The following HPSE2 variants were observed in gnomAD, a reference collection of about 807,000 sequenced individuals.
HPSE2 encodes the protein heparanase 2 (inactive).
In HPSE2, 38 loss-of-function variants were observed where a neutral mutation model predicts 60.5. The ratio of observed to expected loss-of-function variants is 0.63; its 90% CI spans 0.48 to 0.82. The LOEUF is 0.82. Among genes scored for constraint, HPSE2 ranks in the 40% least tolerant of loss-of-function variants. The probability of loss-of-function intolerance (pLI) is 0.00; values close to 1 mark genes in which losing one functional copy is unlikely to be tolerated. For synonymous variants in HPSE2, 295 were observed against 293.2 expected, an observed-to-expected ratio of 1.01 and a Z score of -0.06; for missense variants, 713 against 740.4, an observed-to-expected ratio of 0.96 and a Z score of 0.43.
chr10:98,776,278 C>CAAAAAAA (rs35176062), intron 3 of HPSE2, among the ~76,000 whole-genome samples: 1 of 137,084 alleles, frequency 7.3e-6, no homozygotes. Flanking sequence ...ACTAAAAATA[C>CAAAAAAA]AAAAAAAAAA....
At chr10:98,926,162 G>A (rs372246037) in intron 3 of HPSE2, among the ~76,000 whole-genome samples, 1 of 152,072 alleles carries the variant, frequency 6.6e-6, no homozygotes, top group African/African-American at 2.4e-5. Flanking sequence ...CATGCTTTTT[G>A]TATGGCCATA....
intron 3 of HPSE2, among the ~76,000 whole-genome samples, chr10:99,105,585 A>G (rs1844213128): frequency 6.9e-6 from 1 of 143,934 alleles, no homozygotes; most frequent in South Asian, 2.2e-4. Context: ...TTGTCTTTTT[A>G]TTTTCTTAAT....
intron 9 of HPSE2, among the ~76,000 whole-genome samples, chr10:98,494,465 C>T (rs1246622075): frequency 6.6e-6 from 1 of 152,248 alleles, no homozygotes; most frequent in African/African-American, 2.4e-5. Context: ...CTAATGCTTG[C>T]TTGGACCAAT....
At chr10:98,664,599 G>C (rs993804375) in intron 6 of HPSE2, among the ~76,000 whole-genome samples, 7 of 152,160 alleles carry the variant, frequency 4.6e-5, no homozygotes, top group Admixed American at 3.3e-4. Context: ...AAATACAAAA[G>C]AGCCCGGTGG....
chr10:98,963,387 CTTTT>C (rs1955731984), intron 3 of HPSE2, among the ~76,000 whole-genome samples: 1 of 151,992 alleles, frequency 6.6e-6, no homozygotes, highest in Non-Finnish European at 1.5e-5. Flanking sequence ...TTCTTTCAGT[CTTTT>C]TTGTTTGTGT....
intron 3 of HPSE2, among the ~76,000 whole-genome samples, chr10:99,079,214 C>A (rs1210164687): frequency 6.6e-6 from 1 of 152,150 alleles, no homozygotes; most frequent in Non-Finnish European, 1.5e-5. Context: ...CATTCTTTGG[C>A]AGCCCACAGA....
intron 3 of HPSE2, among the ~76,000 whole-genome samples, chr10:98,986,034 A>T (rs1353542427): frequency 1.3e-5 from 2 of 152,114 alleles, no homozygotes; most frequent in Non-Finnish European, 2.9e-5. Context: ...CTCCCACACA[A>T]TAATAATGGG....
chr10:99,235,964 TCTCTCG>T (rs1414157907), upstream of HPSE2: 149 of 513,386 alleles, frequency 2.9e-4, no homozygotes, highest in Middle Eastern at 1.5e-3. Flanking sequence ...GCTCTCTCTC[TCTCTCG>T]CTCGCTCGCT....
At chr10:98,928,057 C>T (rs28890288) in intron 3 of HPSE2, among the ~76,000 whole-genome samples, 1 of 145,018 alleles carries the variant, frequency 6.9e-6, no homozygotes, top group Non-Finnish European at 1.5e-5. Context: ...AGGCAACCTA[C>T]AAAATGGGAG....
At chr10:99,178,369 C>G (rs1273614602) in intron 2 of HPSE2, among the ~76,000 whole-genome samples, 2 of 151,840 alleles carry the variant, frequency 1.3e-5, no homozygotes, top group Non-Finnish European at 2.9e-5. Flanking sequence ...AGATAGGCCA[C>G]TAGCCAGACT....
the HPSE2 span, among the ~76,000 whole-genome samples, chr10:99,313,952 G>A: frequency 1.3e-5 from 2 of 151,934 alleles, no homozygotes; most frequent in Admixed American, 6.6e-5. Flanking sequence ...CTATCAAATA[G>A]CATCACGTGC....
In HPSE2 at chr10:98,688,406, G is replaced by T. The variant is rs187992061; in HGVS notation, c.1004+5494C>A. On this transcript the variant is annotated intron_variant, in intron 6 of 11. Coordinates refer to ENST00000370552, the MANE Select transcript of HPSE2 (RefSeq NM_021828.5). ...TCCAATGCTCTTCATTATTTTTTGA[G>T]ATCCAAGTTTCCTTCTGGTGCTACT... Among the ~76,000 whole-genome samples, 197 of 149,110 alleles carry T rather than the reference G, an allele frequency of 1.3e-3. 1 individual carries two copies. Among genetic ancestry groups the T allele is most frequent in the African/African-American group, 4.8e-3 (194 of 40,678 alleles).
intron 10 of HPSE2, among the ~76,000 whole-genome samples, chr10:98,488,859 C>T (rs894067092): frequency 1.3e-5 from 2 of 152,228 alleles, no homozygotes. Flanking sequence ...CCCAAGCCAG[C>T]CTCCCCTCAT....
At chr10:99,151,514 G>A (rs1179633025) in intron 2 of HPSE2, among the ~76,000 whole-genome samples, 2 of 151,830 alleles carry the variant, frequency 1.3e-5, no homozygotes, top group Non-Finnish European at 2.9e-5. Flanking sequence ...TCAAGCACAA[G>A]TACAACAAAA....
At chr10:99,149,848 A>C (rs917055692) in intron 2 of HPSE2, among the ~76,000 whole-genome samples, 1 of 152,208 alleles carries the variant, frequency 6.6e-6, no homozygotes, top group East Asian at 1.9e-4. Flanking sequence ...ACGAAAAATT[A>C]AAAACCCTAT....
chr10:98,988,193 C>T (rs1956420433), intron 3 of HPSE2, among the ~76,000 whole-genome samples: 1 of 152,206 alleles, frequency 6.6e-6, no homozygotes, highest in African/African-American at 2.4e-5. Context: ...CCAAGGCAAT[C>T]CTAAGCCAAA....
chr10:98,869,419 C>T (rs539094657), intron 3 of HPSE2, among the ~76,000 whole-genome samples: 2 of 152,238 alleles, frequency 1.3e-5, no homozygotes, highest in East Asian at 3.9e-4. Context: ...TGAAGTCAGA[C>T]ACTTACTACA....
In HPSE2 at chr10:99,073,510, T is replaced by C. The variant is rs187268323; in HGVS notation, c.610+70728A>G. ...GGGGGAAGAAGAGCATTAGGCAACATAGCTAATGCATGCTGGGCTTAATAC... is the reference window on the plus strand; with the variant it reads ...GGGGGAAGAAGAGCATTAGGCAACACAGCTAATGCATGCTGGGCTTAATAC... On this transcript the variant is annotated intron_variant, in intron 3 of 11. Transcript: ENST00000370552. Among the ~76,000 whole-genome samples, 128 of 152,148 alleles carry C rather than the reference T, an allele frequency of 8.4e-4. 1 individual carries two copies. The East Asian group carries it at 0.018, about 21-fold the overall frequency.
chr10:99,100,279 G>A lies in HPSE2; in HGVS notation c.610+43959C>T, dbSNP rs146817643. Among the ~76,000 whole-genome samples the A allele has an allele frequency of 4.1e-3, 629 of 152,244 alleles. 6 individuals are homozygous for A. The highest frequency in any genetic ancestry group is 0.014 in the African/African-American group (599 of 41,548). On this transcript the variant is annotated intron_variant, in intron 3 of 11. Transcript: ENST00000370552. ...GATGAATGGCTTACTAGAATAACCA[G>A]CATAGAGAAGTCCTTAAATGACCTG...
Sources: gnomAD v4.1 joint callset for allele counts (sites outside exome capture counted in the v4.1 genomes callset) on GRCh38, gnomAD v4.1.1 for gene constraint, MANE v1.5 for transcripts, NCBI Gene and HGNC (gene_info 2026-07-23, HGNC 2026-07-21) for gene names.